The following SOX6 variants were observed in gnomAD, a reference collection of about 807,000 sequenced individuals.
SOX6 encodes SRY-box transcription factor 6, also known as transcription factor SOX-6.
Under a neutral mutation model 97.8 loss-of-function variants are expected in SOX6, and 11 were observed. The observed-to-expected ratio is 0.11, with a 90% confidence interval of 0.07 to 0.19. The LOEUF is 0.19. Among genes scored for constraint, SOX6 ranks in the 10% least tolerant of loss-of-function variants. The probability of loss-of-function intolerance (pLI) is 1.00; values close to 1 mark genes in which losing one functional copy is unlikely to be tolerated. For missense variants in SOX6, 810 were observed against 1,039.5 expected, an observed-to-expected ratio of 0.78 and a Z score of 3.04; for synonymous variants, 360 against 371.4, an observed-to-expected ratio of 0.97 and a Z score of 0.35.
At chr11:16,181,711 A>C (rs1182158296) in intron 6 of SOX6, among the ~76,000 whole-genome samples, 1 of 151,770 alleles carries the variant, frequency 6.6e-6, no homozygotes, top group East Asian at 1.9e-4. Context: ...AAATACTGAC[A>C]AGATATGCCA....
At chr11:16,133,322 T>C (rs553896237) in intron 6 of SOX6, among the ~76,000 whole-genome samples, 1 of 152,294 alleles carries the variant, frequency 6.6e-6, no homozygotes, top group South Asian at 2.1e-4. Flanking sequence ...ACCCCACTGC[T>C]ACAGTTGCTT....
chr11:16,392,638 CTT>C (rs1394146457), intron 1 of SOX6, among the ~76,000 whole-genome samples: 2 of 152,182 alleles, frequency 1.3e-5, no homozygotes, highest in South Asian at 4.1e-4. Context: ...AATGATTCCT[CTT>C]GTTTCCCTTT....
intron 1 of SOX6, among the ~76,000 whole-genome samples, chr11:16,408,155 T>C (rs986545935): frequency 5.3e-5 from 8 of 152,136 alleles, no homozygotes; most frequent in Admixed American, 2.6e-4. Flanking sequence ...AATAGGTCCA[T>C]AGAAAAATCA....
chr11:16,459,371 A>G (rs1242676818), intron 1 of SOX6, among the ~76,000 whole-genome samples: 1 of 152,056 alleles, frequency 6.6e-6, no homozygotes, highest in Non-Finnish European at 1.5e-5. Context: ...ATTTATAGAA[A>G]TACAAAAATA....
chr11:16,694,982 G>A (rs2134077), intron 3 of SOX6, among the ~76,000 whole-genome samples: 47,183 of 152,090 alleles, frequency 0.31, 8,820 homozygotes, highest in Non-Finnish European at 0.42. Context: ...AAATACATGG[G>A]AGGATGTGCA....
rs538378973 is a variant in SOX6 at position 16,108,703 on chromosome 11, C to T, written c.898+3100G>A. Among the ~76,000 whole-genome samples, 5 of 152,282 alleles carry T rather than the reference C, an allele frequency of 3.3e-5. No homozygotes were observed. In the South Asian group the frequency reaches 1.0e-3, roughly 32 times the overall value. Reference sequence around the variant, plus strand: ...TCTAGAGAGAACAATCTGAAAGATGCTGTCCTGGAGCTGAACAATCCCTGT... The same window carrying T: ...TCTAGAGAGAACAATCTGAAAGATGTTGTCCTGGAGCTGAACAATCCCTGT... On this transcript the variant is annotated intron_variant, in intron 7 of 15. Coordinates refer to ENST00000683767, the MANE Select transcript of SOX6 (RefSeq NM_001367873.1).
At chr11:16,254,745 G>C (rs1853631819) in intron 3 of SOX6, among the ~76,000 whole-genome samples, 2 of 151,928 alleles carry the variant, frequency 1.3e-5, no homozygotes, top group African/African-American at 4.8e-5. Context: ...ATAGAAAACA[G>C]TACCAAATAT....
At chr11:16,148,355 AAAC>A (rs1466633918) in intron 6 of SOX6, among the ~76,000 whole-genome samples, 1 of 152,142 alleles carries the variant, frequency 6.6e-6, no homozygotes, top group African/African-American at 2.4e-5. Context: ...TGACTTGTGA[AAAC>A]AACAGACCCT....
Position 16,625,398 on chromosome 11 carries a change from A to G in SOX6, n.430-13138T>C, listed in dbSNP as rs556481293. On this transcript the variant is annotated intron_variant and non_coding_transcript_variant, in intron 3 of 5. Transcript: ENST00000524520. ...GGTCTCTGCCCCCAGTTCCTGATAC[A>G]GGGCTCCTAAAGCCCTCTTGTAATT... is the stretch of plus-strand genomic sequence containing the variant. Among the ~76,000 whole-genome samples, 277 of 152,314 alleles carry G rather than the reference A, an allele frequency of 1.8e-3. 1 individual carries two copies. Among genetic ancestry groups the G allele is most frequent in the Admixed American group, 3.6e-3 (55 of 15,300 alleles).
chr11:16,727,290 CTTTTTT>C lies in SOX6; in HGVS notation n.353+9043_353+9048del, dbSNP rs557437543. Among the ~76,000 whole-genome samples, 717 of 92,720 alleles carry C rather than the reference CTTTTTT, an allele frequency of 7.7e-3. 9 individuals carry two copies. Among genetic ancestry groups the C allele is most frequent in the African/African-American group, 0.029 (691 of 23,542 alleles). 60.8% of individuals were successfully genotyped at this position (92,720 alleles called of 152,430 possible). ...CACTTTATATGCTATATTCACCTTG[CTTTTTT>C]TTTTTTTTTTTTTTTTGGAGACTGC... On this transcript the variant is annotated intron_variant and non_coding_transcript_variant, in intron 2 of 5. Coordinates refer to the SOX6 transcript ENST00000524520.
chr11:16,427,505 A>G (rs563481726), intron 1 of SOX6, among the ~76,000 whole-genome samples: 2 of 151,040 alleles, frequency 1.3e-5, no homozygotes, highest in East Asian at 2.0e-4. Context: ...AACAGGCCCA[A>G]TGTGTGATGT....
chr11:16,159,014 T>C (rs1850673863), intron 6 of SOX6, among the ~76,000 whole-genome samples: 1 of 151,980 alleles, frequency 6.6e-6, no homozygotes, highest in South Asian at 2.1e-4. Flanking sequence ...TTTCACCATT[T>C]TCCATCTCCT....
intron 3 of SOX6, among the ~76,000 whole-genome samples, chr11:16,286,913 TA>T (rs1409334051): frequency 6.6e-6 from 1 of 152,060 alleles, no homozygotes; most frequent in Non-Finnish European, 1.5e-5. Flanking sequence ...GATAGGTCCA[TA>T]AGGGCTCATC....
intron 11 of SOX6, among the ~76,000 whole-genome samples, chr11:16,047,701 C>CGTGTGTGTGTGTGT (rs68008241): frequency 1.4e-5 from 2 of 145,918 alleles, no homozygotes; most frequent in African/African-American, 2.5e-5. Flanking sequence ...CATTTCATAG[C>CGTGTGTGTGTGTGT]GTGTGTGTGT....
chr11:16,097,800 A>G, intron 7 of SOX6, 112 bp from the exon 8 acceptor site: 3 of 982,200 alleles, frequency 3.1e-6, no homozygotes, highest in Non-Finnish European at 4.9e-6. Context: ...CTCTAAGCCC[A>G]AACATCTGCA....
Position 16,097,495 on chromosome 11 carries a change from G to C in SOX6, c.978+114C>G, listed in dbSNP as rs1848829907. On this transcript the variant is annotated intron_variant, in intron 8 of 15. Transcript: ENST00000683767. ...AGCAAATAAGGTGTTAATCCTTCTG[G>C]GCTATGCTTAAAAAATTATTTAACA... 9.2e-6 allele frequency: 8 copies of C among 870,318 alleles called. No homozygotes were observed. In the South Asian group the frequency reaches 1.1e-4, roughly 12 times the overall value. 53.9% of individuals were successfully genotyped at this position (870,318 alleles called of 1,614,324 possible).
In SOX6 at chr11:16,097,692, T is replaced by C. The variant is rs1196003177; in HGVS notation, c.899-4A>G. On this transcript the variant is annotated splice_polypyrimidine_tract_variant and splice_region_variant and intron_variant, in intron 7 of 15. Coordinates refer to ENST00000683767, the MANE Select transcript of SOX6 (RefSeq NM_001367873.1). ...AACTGTACGGGGTAGTTATCACCTGTCGGAAAGAACAATGCATACAGGTTT... is the reference window on the plus strand; with the variant it reads ...AACTGTACGGGGTAGTTATCACCTGCCGGAAAGAACAATGCATACAGGTTT... 2 of 1,610,322 alleles carry C rather than the reference T, an allele frequency of 1.2e-6. No homozygotes were observed. The highest frequency in any genetic ancestry group is 3.3e-5 in the Admixed American group (2 of 59,722).
intron 6 of SOX6, among the ~76,000 whole-genome samples, chr11:16,139,951 T>TTATA (rs149983908): frequency 0.014 from 1,709 of 124,670 alleles, 15 homozygotes; most frequent in African/African-American, 0.021. Context: ...GGCTCATATA[T>TTATA]TATATATATA....
At chr11:16,211,568 G>A (rs1013330876) in intron 4 of SOX6, among the ~76,000 whole-genome samples, 6 of 152,156 alleles carry the variant, frequency 3.9e-5, no homozygotes, top group Non-Finnish European at 7.3e-5. Context: ...TTATACCCAG[G>A]CTTCTAGGGT....
Sources: gnomAD v4.1 joint callset for allele counts (sites outside exome capture counted in the v4.1 genomes callset) on GRCh38, gnomAD v4.1.1 for gene constraint, MANE v1.5 for transcripts, NCBI Gene and HGNC (gene_info 2026-07-23, HGNC 2026-07-21) for gene names.